The following ABCA8 variants were observed in gnomAD, a reference collection of about 807,000 sequenced individuals.
ABCA8 encodes ABC-type organic anion transporter ABCA8.
Under a neutral mutation model 192.3 loss-of-function variants are expected in ABCA8, and 177 were observed. The observed-to-expected ratio is 0.92, with a 90% confidence interval of 0.81 to 1.04. The LOEUF (loss-of-function observed/expected upper bound fraction) is 1.04. Among genes scored for constraint, ABCA8 ranks in the 50% least tolerant of loss-of-function variants. The pLI is 0.00. For missense variants in ABCA8, 1,915 were observed against 1,904.8 expected (o/e 1.01, Z -0.10); for synonymous variants, 642 against 690.2 (o/e 0.93, Z 1.09).
At chr17:68,952,463 CTGT>C (rs922551475) in intron 1 of ABCA8, among the ~76,000 whole-genome samples, 7 of 152,154 alleles carry the variant, frequency 4.6e-5, no homozygotes, top group South Asian at 4.1e-4. Flanking sequence ...TGTGATCCGC[CTGT>C]TGTTGTGTAG....
At chr17:68,939,991 C>T (rs1289200407) in intron 4 of ABCA8, among the ~76,000 whole-genome samples, 1 of 152,044 alleles carries the variant, frequency 6.6e-6, no homozygotes, top group Admixed American at 6.6e-5. Flanking sequence ...ATATGTATCA[C>T]AGCAGTTCTG....
rs140343783 is a variant in ABCA8 at position 68,907,719 on chromosome 17, C to G, written c.2278+21G>C. The G allele has an allele frequency of 9.6e-5, 148 of 1,543,842 alleles. 1 individual carries two copies. In the African/African-American group the frequency reaches 1.6e-3, roughly 17 times the overall value. ...TGACTATTATTCACATATTTTATTTCACAGTGTTCATGCACATTACCTGGA... is the reference window on the plus strand; with the variant it reads ...TGACTATTATTCACATATTTTATTTGACAGTGTTCATGCACATTACCTGGA... On this transcript the variant is annotated intron_variant, in intron 18 of 39. Transcript: ENST00000586539.
intron 3 of ABCA8, among the ~76,000 whole-genome samples, chr17:68,941,291 C>T (rs960929): frequency 0.065 from 9,825 of 152,048 alleles, 1,065 homozygotes; most frequent in African/African-American, 0.22. Context: ...TGATCACATG[C>T]GAACTCCCAA....
chr17:68,919,112 G>C (rs1598259020), intron 14 of ABCA8, among the ~76,000 whole-genome samples, 189 bp downstream of exon 14: 1 of 140,352 alleles, frequency 7.1e-6, no homozygotes, highest in Admixed American at 6.7e-5. Context: ...TGATTTATTA[G>C]ATTTAAAGTT....
At chr17:68,873,098 C>T (rs1217680888) in intron 37 of ABCA8, among the ~76,000 whole-genome samples, 1 of 152,174 alleles carries the variant, frequency 6.6e-6, no homozygotes, top group Admixed American at 6.5e-5. Context: ...CACCAATGGT[C>T]GCCCAGAGCT....
chr17:68,886,062 A>G (rs2066452714), intron 26 of ABCA8, among the ~76,000 whole-genome samples: 1 of 152,192 alleles, frequency 6.6e-6, no homozygotes, highest in South Asian at 2.1e-4. Flanking sequence ...ATTAGGGATA[A>G]CAGAAAGTGA....
rs555722639 is a variant in ABCA8 at position 68,884,607 on chromosome 17, A to G, written c.3550-211T>C. The G allele has an allele frequency of 2.4e-6, 3 of 1,244,494 alleles. No individual in the cohort carries two copies. The East Asian group carries it at 1.0e-4, about 43-fold the overall frequency. The allele number at this position is 1,244,494 out of a possible 1,614,324, so 77.1% of individuals were successfully genotyped here. ...AAGCAATAGGATTTATCAATTACTAATCACCTGGCGAGAGAATCCTGGAGA... is the reference window on the plus strand; with the variant it reads ...AAGCAATAGGATTTATCAATTACTAGTCACCTGGCGAGAGAATCCTGGAGA... On this transcript the variant is annotated intron_variant, in intron 27 of 39. Transcript: ENST00000586539.
rs112388110 is a variant in ABCA8, at chr17:68,921,898, C to G, written c.1501+344G>C. 1.4e-3 allele frequency among the ~76,000 whole-genome samples: 212 copies of G among 151,696 alleles called. 4 individuals are homozygous for G. Among genetic ancestry groups the G allele is most frequent in the African/African-American group, 5.0e-3 (209 of 41,394 alleles). ...CAAAAGAAAAACATACAGTATCTAC[C>G]AATAGCTTTTGGATTACAGACAAAA... On this transcript the variant is annotated intron_variant, in intron 12 of 39. Transcript: ENST00000586539.
Position 68,907,798 on chromosome 17 carries a change from G to C in ABCA8, c.2220C>G (p.Ala740=). Residue 740 remains alanine (A), a synonymous_variant, in exon 18 of 40, where the codon GCC becomes GCG. Transcript: ENST00000586539. ...TATAAATAAGTTTTCCTTCGCTTTT[G>C]GCTGATAATTTGGCATCAGGGATGT... The part of the protein sequence containing the change: ...KQHIPDAKLS[A]KSEGKLIYTL... 6.2e-7 allele frequency: 1 copy of C among 1,608,596 alleles called. No homozygotes were observed. The highest frequency in any genetic ancestry group is 8.5e-7 in the Non-Finnish European group (1 of 1,177,574).
intron 10 of ABCA8, 124 bp downstream of exon 10, chr17:68,927,792 T>C: frequency 2.7e-6 from 2 of 736,682 alleles, no homozygotes; most frequent in Non-Finnish European, 4.1e-6. Flanking sequence ...ACGACTTTGT[T>C]CCTCTCTTTG....
Position 68,881,148 on chromosome 17 carries a change from G to A in ABCA8, c.4010C>T (p.Thr1337Ile). The A allele has an allele frequency of 6.2e-7, 1 of 1,613,716 alleles. No homozygotes were observed. ...TCCAGCAGTTGGTTTTGTGTCTCCA[G>A]TTATCACCTTAATGGATGTGCTTTT... ...AGKSTSIKVI[T>I]GDTKPTAGQV... The change falls in exon 32 of 40, where the codon ACT becomes ATT. Residue 1337 changes from threonine to isoleucine, a missense_variant. Physicochemically the swap from Thr to Ile is moderately conservative, Grantham distance 89. Coordinates refer to ENST00000586539, the MANE Select transcript of ABCA8 (RefSeq NM_001288985.2).
intron 18 of ABCA8, 30 bp downstream of exon 18, chr17:68,907,710 A>G (rs1249365978): frequency 3.9e-6 from 6 of 1,529,278 alleles, no homozygotes; most frequent in Non-Finnish European, 5.3e-6. Context: ...TTATTCACAT[A>G]TTTTATTTCA....
At chr17:68,908,366 C>T (rs563710613) in intron 17 of ABCA8, among the ~76,000 whole-genome samples, 1 of 152,186 alleles carries the variant, frequency 6.6e-6, no homozygotes, top group South Asian at 2.1e-4. Flanking sequence ...ATGTAGTCAT[C>T]CAATGCAAAT....
intron 17 of ABCA8, among the ~76,000 whole-genome samples, chr17:68,916,004 A>C (rs1016057531): frequency 6.6e-6 from 1 of 152,192 alleles, no homozygotes; most frequent in African/African-American, 2.4e-5. Context: ...TCATTATATT[A>C]AGTGAAATAA....
chr17:68,923,206 A>ATT (rs374039541), intron 11 of ABCA8, among the ~76,000 whole-genome samples: 213 of 145,978 alleles, frequency 1.5e-3, no homozygotes, highest in African/African-American at 4.2e-3. Context: ...TATTATTATT[A>ATT]TTTTTTTTTT....
chr17:68,936,846 G>T, intron 5 of ABCA8, 105 bp downstream of exon 5: 2 of 1,002,292 alleles, frequency 2.0e-6, no homozygotes, highest in South Asian at 2.2e-5. Context: ...ACATCATTAT[G>T]ACAGATAGTG....
chr17:68,928,361 A>C (rs1172244600), intron 9 of ABCA8, among the ~76,000 whole-genome samples: 1 of 152,208 alleles, frequency 6.6e-6, no homozygotes, highest in Admixed American at 6.5e-5. Context: ...ACTTAGATGA[A>C]CTTTTACCAA....
intron 17 of ABCA8, among the ~76,000 whole-genome samples, chr17:68,917,101 C>A (rs1289291545): frequency 6.6e-6 from 1 of 152,108 alleles, no homozygotes; most frequent in Non-Finnish European, 1.5e-5. Flanking sequence ...AACCCCGACT[C>A]TACCAAAAAC....
In ABCA8 at chr17:68,887,137, T is replaced by C; in HGVS notation, c.3316-7A>G. 1 of 1,569,186 alleles carries C rather than the reference T, an allele frequency of 6.4e-7. No individual in the cohort carries two copies. Among genetic ancestry groups the C allele is most frequent in the Non-Finnish European group, 8.7e-7 (1 of 1,150,834 alleles). ...AACCAACAGCACATGGGATCTAAAA[T>C]CAACAGGAATGTGAAGCTTAGTTAA... On this transcript the variant is annotated splice_polypyrimidine_tract_variant and splice_region_variant and intron_variant, in intron 25 of 39. Transcript: ENST00000586539.
Sources: allele counts gnomAD v4.1 joint callset (sites outside exome capture counted in the v4.1 genomes callset), GRCh38; gene constraint gnomAD v4.1.1; transcripts MANE v1.5; gene names NCBI Gene and HGNC (gene_info 2026-07-23, HGNC 2026-07-21).